The following MROH6 variants were observed in gnomAD, a reference collection of about 807,000 sequenced individuals.
MROH6 encodes the protein maestro heat-like repeat-containing protein family member 6.
MROH6 carries 62 observed loss-of-function variants against 67.7 expected under a neutral mutation model. That is an observed-to-expected ratio of 0.92 (90% CI 0.75 to 1.13). The LOEUF is 1.13. MROH6 is among the 50% of genes most tolerant of loss of function. MROH6 has a pLI of 0.00. For synonymous variants in MROH6, 566 were observed against 470.8 expected, an observed-to-expected ratio of 1.20 and a Z score of -2.62; for missense variants, 1,175 against 1,029.1, an observed-to-expected ratio of 1.14 and a Z score of -1.94.
chr8:143,569,507 C>A lies in MROH6; in HGVS notation c.1410G>T (p.Arg470=), dbSNP rs773872901. The change falls in exon 9 of 14, where the codon CGG becomes CGT. Residue 470 remains arginine, a synonymous_variant. Transcript: ENST00000398882. The stretch of plus-strand genomic sequence containing the variant: ...TCAGGAGCCGCACAGGCGCCCGGGG[C>A]CGCAGCAGGAGCCTCCTCAGGGCGC... The part of the protein sequence containing the change: ...ALGALRRLLL[R]PRAPVRLLSA... The A allele has an allele frequency of 3.4e-6, 5 of 1,488,956 alleles. No individual in the cohort carries two copies. The highest frequency in any genetic ancestry group is 2.4e-4 in the Middle Eastern group (1 of 4,206). 92.2% of individuals were successfully genotyped at this position (1,488,956 alleles called of 1,614,324 possible).
In MROH6 at chr8:143,569,723, C is replaced by G. The variant is rs1230378709; in HGVS notation, c.1276G>C (p.Gly426Arg). The change falls in exon 8 of 14, where the codon GGC becomes CGC. Residue 426 changes from glycine (G) to arginine (R), a missense_variant. Coordinates refer to ENST00000398882, the MANE Select transcript of MROH6 (RefSeq NM_001100878.2). ...TTCCTGCGATTCAGCGCGAGGTGGC[C>G]CAGGCCCAGCAGGCCCAACCAGCGC... ...TVRWLGLLGL[G>R]HLALNRRKVR... is the part of the protein sequence containing the mutation. 6.2e-7 allele frequency: 1 copy of G among 1,613,190 alleles called. No homozygotes were observed. Among genetic ancestry groups the G allele is most frequent in the East Asian group, 2.2e-5 (1 of 44,880 alleles).
chr8:143,567,495 A>C, intron 13 of MROH6, 30 bp from the exon 14 acceptor site: 1 of 1,432,180 alleles, frequency 7.0e-7, no homozygotes, highest in Non-Finnish European at 9.2e-7. Flanking sequence ...CAGGCTGGGG[A>C]GCCCAGGAGG....
In MROH6 at chr8:143,570,326, C is replaced by T; in HGVS notation, c.960G>A (p.Val320=). ...ALLTGDGGRM[V]VTCMEQAGGW... is the part of the protein sequence containing the mutation. ...CTCCTGCCTGCTCCATGCACGTGAC[C>T]ACCATGCGGCCTCCATCCCCGGTGA... The change falls in exon 6 of 14, where the codon GTG becomes GTA. Residue 320 remains valine, a synonymous_variant. Coordinates refer to ENST00000398882, the MANE Select transcript of MROH6 (RefSeq NM_001100878.2). 1.2e-6 allele frequency: 2 copies of T among 1,610,128 alleles called. No homozygotes were observed. The highest frequency in any genetic ancestry group is 1.7e-6 in the Non-Finnish European group (2 of 1,179,728).
intron 11 of MROH6, 81 bp from the exon 12 acceptor site, chr8:143,567,969 G>A (rs551589940): frequency 6.8e-4 from 971 of 1,437,404 alleles, no homozygotes; most frequent in South Asian, 8.8e-4. Context: ...TCCAGGGGCC[G>A]GGGTTCCAGG....
chr8:143,570,486 G>T lies in MROH6; in HGVS notation c.892C>A (p.His298Asn). The T allele has an allele frequency of 6.2e-7, 1 of 1,612,712 alleles. No homozygotes were observed. The highest frequency in any genetic ancestry group is 8.5e-7 in the Non-Finnish European group (1 of 1,179,590). The change falls in exon 5 of 14, where the codon CAT (histidine) becomes AAT (asparagine). Residue 298 changes from histidine (H) to asparagine (N), a missense_variant. Transcript: ENST00000398882. The stretch of plus-strand genomic sequence containing the variant: ...GTTGCCTCTCACCTGGCATGGCTAT[G>T]TGGTGGCCCTCGGTGGGACAGAACC... ...IWVLSHRGPPHSHASCAVEAL... is the reference protein window; with the variant it reads ...IWVLSHRGPPNSHASCAVEAL...
Position 143,567,393 on chromosome 8 carries a change from G to T in MROH6, c.2006C>A (p.Ala669Glu). ...AAAHVSAQQV[A>E]MLARARGCPR... ...GCAGCCCCGGGCACGGGCCAGCATC[G>T]CCACCTGCTGAGCGGACACGTGCGC... Residue 669 changes from alanine to glutamate, a missense_variant, in exon 14 of 14, where the codon GCG (alanine) becomes GAG (glutamate). Transcript: ENST00000398882. The T allele has an allele frequency of 6.4e-6, 8 of 1,252,670 alleles. No individual in the cohort carries two copies. The highest frequency in any genetic ancestry group is 3.2e-5 in the South Asian group (1 of 31,666). 77.6% of individuals were successfully genotyped at this position (1,252,670 alleles called of 1,614,324 possible).
chr8:143,570,799 T>G (rs548869228), intron 4 of MROH6, 78 bp downstream of exon 4: 2 of 1,418,138 alleles, frequency 1.4e-6, no homozygotes, highest in African/African-American at 2.8e-5. Flanking sequence ...AGGTGCAAAC[T>G]CCCTATGCCC....
Sources: allele counts gnomAD v4.1 joint callset, GRCh38; gene constraint gnomAD v4.1.1; transcripts MANE v1.5; gene names NCBI Gene and HGNC (gene_info 2026-07-23, HGNC 2026-07-21).